The following SUZ12 variants were observed in gnomAD, a reference collection of about 807,000 sequenced individuals.
SUZ12 encodes SUZ12 polycomb repressive complex 2 subunit, also known as polycomb protein SUZ12.
Under a neutral mutation model 87.3 loss-of-function variants are expected in SUZ12, and 17 were observed. The ratio of observed to expected loss-of-function variants is 0.19; its 90% CI spans 0.13 to 0.29. SUZ12 has a LOEUF of 0.29. SUZ12 is among the 10% of genes least tolerant of loss of function. The pLI is 1.00. For synonymous variants in SUZ12, 253 were observed against 312.4 expected (o/e 0.81, Z 2.01); for missense variants, 526 against 912.2 (o/e 0.58, Z 5.45).
chr17:31,951,963 CAG>C (rs947597150), intron 4 of SUZ12, among the ~76,000 whole-genome samples: 7 of 152,008 alleles, frequency 4.6e-5, no homozygotes, highest in African/African-American at 1.4e-4. Context: ...TTAGTAGAGA[CAG>C]GGTTTCACCA....
intron 10 of SUZ12, among the ~76,000 whole-genome samples, chr17:31,991,054 G>A (rs1217239400): frequency 6.6e-6 from 1 of 152,172 alleles, no homozygotes; most frequent in Non-Finnish European, 1.5e-5. Flanking sequence ...GCCAAGTTCT[G>A]TCATTTTTGT....
Position 31,999,323 on chromosome 17 carries a change from A to T in SUZ12, c.*320A>T, listed in dbSNP as rs1298022053. Reference sequence around the variant, plus strand: ...GAAATTATTTCATATATAAATCAGAATTTTTTTGCATTTATGAACGGCTGT... The same window carrying T: ...GAAATTATTTCATATATAAATCAGATTTTTTTTGCATTTATGAACGGCTGT... On this transcript the variant is annotated 3_prime_UTR_variant, in exon 16 of 16. Transcript: ENST00000322652. 8.3e-6 allele frequency: 2 copies of T among 240,558 alleles called. No homozygotes were observed. Among genetic ancestry groups the T allele is most frequent in the East Asian group, 6.1e-5 (1 of 16,482 alleles). 14.9% of individuals were successfully genotyped at this position (240,558 alleles called of 1,614,324 possible).
chr17:31,940,207 G>A, intron 1 of SUZ12, 79 bp from the exon 2 acceptor site: 1 of 1,554,990 alleles, frequency 6.4e-7, no homozygotes, highest in Non-Finnish European at 8.7e-7. Flanking sequence ...AGTTTATATT[G>A]ATTATAACAT....
intron 10 of SUZ12, among the ~76,000 whole-genome samples, chr17:31,992,960 C>T (rs537096299): frequency 3.3e-5 from 5 of 152,176 alleles, no homozygotes; most frequent in Non-Finnish European, 5.9e-5. Flanking sequence ...CTGCCTTGGC[C>T]TCCCAATGTG....
chr17:31,939,013 G>A (rs115954301), intron 1 of SUZ12, among the ~76,000 whole-genome samples: 154 of 152,150 alleles, frequency 1.0e-3, no homozygotes, highest in African/African-American at 3.4e-3. Flanking sequence ...GACACTAATA[G>A]GTCATTAATG....
chr17:31,985,149 A>C (rs921724895), intron 9 of SUZ12, among the ~76,000 whole-genome samples: 3 of 127,586 alleles, frequency 2.4e-5, no homozygotes, highest in African/African-American at 9.9e-5. Flanking sequence ...ACAGAGCAAG[A>C]CTCTGTCTCA....
chr17:31,964,651 G>A (rs957593069), intron 4 of SUZ12, among the ~76,000 whole-genome samples: 2 of 152,056 alleles, frequency 1.3e-5, no homozygotes, highest in African/African-American at 4.8e-5. Flanking sequence ...GTGATCCCCT[G>A]CCTCGGCCTC....
intron 4 of SUZ12, among the ~76,000 whole-genome samples, chr17:31,954,219 C>T (rs373338128): frequency 6.6e-6 from 1 of 152,022 alleles, no homozygotes; most frequent in African/African-American, 2.4e-5. Context: ...CACACCACCA[C>T]GCCCGGTTAA....
At chr17:31,953,966 C>T (rs1416863939) in intron 4 of SUZ12, among the ~76,000 whole-genome samples, 1 of 152,056 alleles carries the variant, frequency 6.6e-6, no homozygotes, top group East Asian at 1.9e-4. Context: ...CCTGCCTCAG[C>T]CTCCCAAAGT....
intron 9 of SUZ12, among the ~76,000 whole-genome samples, chr17:31,987,506 C>T (rs1567835174): frequency 1.3e-5 from 2 of 151,944 alleles, no homozygotes; most frequent in East Asian, 3.9e-4. Context: ...CAGTCATTGT[C>T]AGTGAAACTG....
At chr17:31,972,978 A>G (rs1908526839) in intron 5 of SUZ12, among the ~76,000 whole-genome samples, 168 bp from the exon 6 acceptor site, 1 of 151,840 alleles carries the variant, frequency 6.6e-6, no homozygotes, top group South Asian at 2.1e-4. Context: ...AGGCTTTTAA[A>G]GAGTTTGCTG....
intron 9 of SUZ12, among the ~76,000 whole-genome samples, chr17:31,983,437 G>C (rs767503882): frequency 6.8e-6 from 1 of 147,668 alleles, no homozygotes; most frequent in South Asian, 2.2e-4. Flanking sequence ...GTGCCACCAC[G>C]CCTGGCTAAT....
At position 31,961,668 on chromosome 17, in the gene SUZ12, GTGT is replaced by G. The variant is rs201635181; in HGVS notation, c.456-4474_456-4472del. Among the ~76,000 whole-genome samples, 1,497 of 152,358 alleles carry G rather than the reference GTGT, an allele frequency of 9.8e-3. 9 individuals carry two copies. The highest frequency in any genetic ancestry group is 0.014 in the Middle Eastern group (4 of 294). ...TTTTGTTTATTTGTTAATTTTCAGTGTGTTGTTAGTAGTAGTCTCAATTTCTTG... is the reference window on the plus strand; with the variant it reads ...TTTTGTTTATTTGTTAATTTTCAGTGTGTTAGTAGTAGTCTCAATTTCTTG... On this transcript the variant is annotated intron_variant, in intron 4 of 15. Coordinates refer to ENST00000322652, the MANE Select transcript of SUZ12 (RefSeq NM_015355.4).
chr17:31,988,257 T>C (rs935858013), intron 9 of SUZ12, 63 bp from the exon 10 acceptor site: 2 of 1,440,140 alleles, frequency 1.4e-6, no homozygotes, highest in South Asian at 1.5e-5. Flanking sequence ...TTTTTTTAAT[T>C]TCTACAATTT....
At chr17:31,938,353 TTAA>T (rs1906064702) in intron 1 of SUZ12, among the ~76,000 whole-genome samples, 1 of 152,240 alleles carries the variant, frequency 6.6e-6, no homozygotes, top group Non-Finnish European at 1.5e-5. Flanking sequence ...TGGGTGATCT[TTAA>T]TAGCTAAATA....
intron 4 of SUZ12, among the ~76,000 whole-genome samples, chr17:31,960,767 C>A (rs577707979): frequency 4.6e-5 from 7 of 151,384 alleles, no homozygotes; most frequent in African/African-American, 1.7e-4. Context: ...TTAGTAGAGA[C>A]AAGGTTTCAC....
At chr17:31,972,327 GTATGTGTATATA>G (rs958678996) in intron 5 of SUZ12, among the ~76,000 whole-genome samples, 130 of 149,948 alleles carry the variant, frequency 8.7e-4, no homozygotes, top group African/African-American at 2.6e-3. Context: ...ATATATGTAT[GTATGTGTATATA>G]TATGTGTATA....
intron 8 of SUZ12, among the ~76,000 whole-genome samples, chr17:31,980,629 G>C (rs1053526753): frequency 4.0e-5 from 6 of 151,588 alleles, no homozygotes; most frequent in African/African-American, 1.5e-4. Context: ...TGTATTTCTA[G>C]TAGAGACAAG....
chr17:31,959,136 A>G (rs1369331351), intron 4 of SUZ12, among the ~76,000 whole-genome samples: 2 of 152,112 alleles, frequency 1.3e-5, no homozygotes, highest in South Asian at 2.1e-4. Flanking sequence ...TGCCTTGACT[A>G]TAAGCTTTGA....
Sources: allele counts gnomAD v4.1 joint callset (sites outside exome capture counted in the v4.1 genomes callset), GRCh38; gene constraint gnomAD v4.1.1; transcripts MANE v1.5; gene names NCBI Gene and HGNC (gene_info 2026-07-23, HGNC 2026-07-21).